The following ATAD3A variants were observed in gnomAD, a reference collection of about 807,000 sequenced individuals.
ATAD3A encodes ATPase family AAA domain containing 3A.
A neutral mutation model predicts 73.8 loss-of-function variants in ATAD3A; 46 were observed. That is an observed-to-expected ratio of 0.62 (90% confidence interval 0.49 to 0.80). The LOEUF is 0.80. Among genes scored for constraint, ATAD3A ranks in the 30% least tolerant of loss-of-function variants. The pLI is 0.00. For missense variants in ATAD3A, 705 were observed against 838.0 expected, an observed-to-expected ratio of 0.84 and a Z score of 1.96; for synonymous variants, 319 against 350.0, an observed-to-expected ratio of 0.91 and a Z score of 0.99.
At chr1:1,526,753 C>T (rs1022986432) in intron 13 of ATAD3A, among the ~76,000 whole-genome samples, 14 of 152,250 alleles carry the variant, frequency 9.2e-5, no homozygotes, top group Non-Finnish European at 1.5e-4. Context: ...TGGGGTCAGT[C>T]CTGTCCTCAC....
At chr1:1,527,886 C>T in intron 14 of ATAD3A, 24 bp downstream of exon 14, 1 of 1,605,684 alleles carries the variant, frequency 6.2e-7, no homozygotes, top group East Asian at 2.2e-5. Flanking sequence ...CCCACCAGCC[C>T]CCGTCCAGGG....
chr1:1,524,140 C>T (rs1447811065), intron 10 of ATAD3A, 133 bp from the exon 11 acceptor site: 17 of 1,536,932 alleles, frequency 1.1e-5, no homozygotes, highest in Middle Eastern at 1.8e-4. Flanking sequence ...AGGCGGGGGA[C>T]GTCTCCTGTC....
chr1:1,524,850 C>T (rs1377064247), intron 11 of ATAD3A, among the ~76,000 whole-genome samples: 1 of 151,044 alleles, frequency 6.6e-6, no homozygotes, highest in East Asian at 2.0e-4. Context: ...CCCTTGTGGC[C>T]TCGGCTGTCC....
intron 12 of ATAD3A, among the ~76,000 whole-genome samples, 175 bp downstream of exon 12, chr1:1,525,466 G>C (rs961337641): frequency 2.0e-5 from 3 of 149,800 alleles, no homozygotes; most frequent in Admixed American, 6.7e-5. Context: ...CCAGGCTGGA[G>C]TGCAATGGCC....
Position 1,525,586 on chromosome 1 carries a change from T to G in ATAD3A, c.1266+295T>G, listed in dbSNP as rs571207805. Among the ~76,000 whole-genome samples, 354 of 152,146 alleles carry G rather than the reference T, an allele frequency of 2.3e-3. 3 individuals are homozygous for G. Among genetic ancestry groups the G allele is most frequent in the African/African-American group, 8.3e-3 (343 of 41,492 alleles). On this transcript the variant is annotated intron_variant, in intron 12 of 15. Transcript: ENST00000378756. Reference sequence around the variant, plus strand: ...CCCGCCACCACACCTGGCTAATTTTTTGTGTTTTTAGCAGAGACGGGGTTT... The same window carrying G: ...CCCGCCACCACACCTGGCTAATTTTGTGTGTTTTTAGCAGAGACGGGGTTT...
chr1:1,515,055 A>G (rs1259127601), intron 1 of ATAD3A, among the ~76,000 whole-genome samples: 1 of 151,850 alleles, frequency 6.6e-6, no homozygotes, highest in Non-Finnish European at 1.5e-5. Flanking sequence ...TTGTCTTTTT[A>G]GTGGAGACAG....
At chr1:1,518,539 CAT>C (rs200656641) in intron 4 of ATAD3A, among the ~76,000 whole-genome samples, 2 of 119,330 alleles carry the variant, frequency 1.7e-5, no homozygotes, top group African/African-American at 3.3e-5. Context: ...CCCACACACA[CAT>C]ACGGGCACAC....
Position 1,527,702 on chromosome 1 carries a change from C to A in ATAD3A, c.1345C>A (p.Leu449Met), listed in dbSNP as rs749890651. 9.3e-6 allele frequency: 15 copies of A among 1,611,286 alleles called. No individual in the cohort carries two copies. The highest frequency in any genetic ancestry group is 1.2e-5 in the Non-Finnish European group (14 of 1,178,598). Residue 449 changes from leucine (L) to methionine (M), a missense_variant, in exon 14 of 16, where the codon CTG becomes ATG. By Grantham distance (15) the Leu-to-Met change is conservative (BLOSUM62 2). Transcript: ENST00000378756. ...RTGQHSNKFMLVLASNQPEQF... is the reference protein window; with the variant it reads ...RTGQHSNKFMMVLASNQPEQF... Reference sequence around the variant, plus strand: ...CTCATCCCCGCCCCGCAGGTTCATGCTGGTCCTGGCCAGCAACCAACCAGA... The same window carrying A: ...CTCATCCCCGCCCCGCAGGTTCATGATGGTCCTGGCCAGCAACCAACCAGA...
chr1:1,529,078 T>C (rs1302278541), intron 14 of ATAD3A, 145 bp from the exon 15 acceptor site: 6 of 1,272,536 alleles, frequency 4.7e-6, no homozygotes, highest in African/African-American at 3.0e-5. Flanking sequence ...GCAGGGAGGA[T>C]GTGGAGCTGG....
chr1:1,534,499 G>A lies in ATAD3A; in HGVS notation c.*427G>A, dbSNP rs530443142. 1.2e-4 allele frequency: 96 copies of A among 811,734 alleles called. No individual in the cohort carries two copies. In the African/African-American group the frequency reaches 1.5e-3, roughly 13 times the overall value. 50.3% of individuals were successfully genotyped at this position (811,734 alleles called of 1,614,324 possible). A position where few individuals can be genotyped will look rare whatever the true frequency, so the allele number is the denominator to read the frequency against. ...GCGCCTGCCAGGGCCAGACCCAGGTGGGGCAGCCTGAACCCTGCTTCCCCC... is the reference window on the plus strand; with the variant it reads ...GCGCCTGCCAGGGCCAGACCCAGGTAGGGCAGCCTGAACCCTGCTTCCCCC... On this transcript the variant is annotated 3_prime_UTR_variant, in exon 16 of 16. Transcript: ENST00000378756.
At chr1:1,516,929 C>T in intron 2 of ATAD3A, 2 of 629,464 alleles carry the variant, frequency 3.2e-6, no homozygotes, top group Non-Finnish European at 5.3e-6. Context: ...TCAGGCTGGT[C>T]TCGAACTACT....
At chr1:1,518,827 CCCCCCTGCACACTCGGGCACAGTCAT>C (rs1210783579) in intron 4 of ATAD3A, 68 bp from the exon 5 acceptor site, 3 of 1,605,394 alleles carry the variant, frequency 1.9e-6, no homozygotes, top group Non-Finnish European at 2.6e-6. Context: ...GGCACACTCA[CCCCCCTGCACACTCGGGCACAGTCAT>C]CCCCCGCACA....
At chr1:1,518,071 ACACACACACCCCTG>A (rs1641427883) in intron 4 of ATAD3A, among the ~76,000 whole-genome samples, 1 of 151,370 alleles carries the variant, frequency 6.6e-6, no homozygotes, top group Middle Eastern at 3.2e-3. Flanking sequence ...ACACACGGGC[ACACACACACCCCTG>A]CACACACGGG....
rs1237724245 is a variant in ATAD3A at position 1,534,194 on chromosome 1, T to C, written c.*122T>C. On this transcript the variant is annotated 3_prime_UTR_variant, in exon 16 of 16. Coordinates refer to ENST00000378756, the MANE Select transcript of ATAD3A (RefSeq NM_001170535.3). ...GGGACTGGGCTGTGCCCAGGGCCTC[T>C]GTCCCCCAGGATGTCTTGTGGTGCG... 1 of 1,555,458 alleles carries C rather than the reference T, an allele frequency of 6.4e-7. No individual in the cohort carries two copies. Among genetic ancestry groups the C allele is most frequent in the Admixed American group, 1.8e-5 (1 of 54,784 alleles).
Position 1,523,448 on chromosome 1 carries a change from G to T in ATAD3A, c.907-63G>T. 2 of 1,586,536 alleles carry T rather than the reference G, an allele frequency of 1.3e-6. No homozygotes were observed. The highest frequency in any genetic ancestry group is 1.7e-6 in the Non-Finnish European group (2 of 1,165,858). On this transcript the variant is annotated intron_variant, in intron 8 of 15. Transcript: ENST00000378756. This position sits in a 1 kb window ranked among gnomAD's most constrained non-coding sequence, Gnocchi z 5.1. The stretch of plus-strand genomic sequence containing the variant: ...CGTGTTACCGAGCGTGTGTGTGCGC[G>T]TTGGTGGCTGTTCCGTGGCTGTGGC...
At chr1:1,532,885 G>C (rs1392033581) in intron 15 of ATAD3A, among the ~76,000 whole-genome samples, 4 of 144,312 alleles carry the variant, frequency 2.8e-5, no homozygotes, top group African/African-American at 1.0e-4. Context: ...CCTGCACTCC[G>C]GGGCCCCTGA....
chr1:1,512,407 T>A lies in ATAD3A; in HGVS notation c.139T>A (p.Trp47Arg). 4 of 1,227,570 alleles carry A rather than the reference T, an allele frequency of 3.3e-6. No homozygotes were observed. Among genetic ancestry groups the A allele is most frequent in the Non-Finnish European group, 4.1e-6 (4 of 980,826 alleles). 76.0% of individuals were successfully genotyped at this position (1,227,570 alleles called of 1,614,324 possible). A position where few individuals can be genotyped will look rare whatever the true frequency, so the allele number is the denominator to read the frequency against. ...LGDRPAPKDKWSNFDPTGLER... is the reference protein window; with the variant it reads ...LGDRPAPKDKRSNFDPTGLER... ...AGACCGGCCGGCGCCCAAGGACAAA[T>A]GGAGCAACTTCGACCCCACCGGCCT... Residue 47 changes from tryptophan (W) to arginine (R), a missense_variant, in exon 1 of 16, where the codon TGG becomes AGG. This residue lies in a region of ATAD3A where 125 missense variants were observed against 170.6 expected (regional missense o/e 0.73). Transcript: ENST00000378756.
At chr1:1,525,217 C>T (rs11260607) in intron 11 of ATAD3A, 23 bp from the exon 12 acceptor site, 133 of 1,613,366 alleles carry the variant, frequency 8.2e-5, no homozygotes, top group South Asian at 5.5e-5. Context: ...TCTCGCCCTG[C>T]TTGGCCTCCC....
At chr1:1,526,004 G>A (rs1413395152) in intron 12 of ATAD3A, among the ~76,000 whole-genome samples, 6 of 151,892 alleles carry the variant, frequency 4.0e-5, no homozygotes, top group East Asian at 3.9e-4. Flanking sequence ...CCCCGTGCCC[G>A]GTCAGGCTTT....
Sources: gnomAD v4.1 joint callset for allele counts (sites outside exome capture counted in the v4.1 genomes callset) on GRCh38, gnomAD v4.1.1 for gene constraint, gnomAD v4.1.1 regional missense constraint, Gnocchi (gnomAD v3.1) non-coding constraint, MANE v1.5 for transcripts, NCBI Gene and HGNC (gene_info 2026-07-23, HGNC 2026-07-21) for gene names.